Variants in LRRK1 observed in about 807,000 individuals in gnomAD.
LRRK1 encodes leucine-rich repeat serine/threonine-protein kinase 1.
A neutral mutation model predicts 209.1 loss-of-function variants in LRRK1; 113 were observed. That is an observed-to-expected ratio of 0.54 (90% CI 0.46 to 0.63). LRRK1 has a LOEUF of 0.63. Ranked by LOEUF, LRRK1 falls within the 30% of genes least tolerant of loss-of-function variation. The probability of loss-of-function intolerance (pLI) is 0.00; values close to 1 mark genes in which losing one functional copy is unlikely to be tolerated. For missense variants in LRRK1, 2,284 were observed against 2,632.2 expected, an observed-to-expected ratio of 0.87 and a Z score of 2.89; for synonymous variants, 1,144 against 1,099.7, an observed-to-expected ratio of 1.04 and a Z score of -0.80.
intron 6 of LRRK1, among the ~76,000 whole-genome samples, chr15:101,002,935 T>A (rs1181281124): frequency 6.6e-6 from 1 of 152,196 alleles, no homozygotes; most frequent in African/African-American, 2.4e-5. Flanking sequence ...TTTCACCATG[T>A]TGTCCAGGCT....
intron 6 of LRRK1, among the ~76,000 whole-genome samples, chr15:100,996,754 C>A (rs916642860): frequency 6.6e-6 from 1 of 152,202 alleles, no homozygotes; most frequent in East Asian, 1.9e-4. Context: ...GTGTTCATGT[C>A]GTCCTGCTGG....
At chr15:100,994,302 C>G (rs2032300096) in intron 6 of LRRK1, among the ~76,000 whole-genome samples, 1 of 152,220 alleles carries the variant, frequency 6.6e-6, no homozygotes, top group East Asian at 1.9e-4. Flanking sequence ...ACGAATGATT[C>G]TCTGCACATC....
chr15:100,972,359 A>AGT (rs2030962937), intron 2 of LRRK1, among the ~76,000 whole-genome samples: 5 of 86,970 alleles, frequency 5.7e-5, no homozygotes, highest in Admixed American at 1.1e-4. Context: ...AGAGAGAGAG[A>AGT]GAGAGTGTGT....
chr15:101,064,494 G>A (rs2036406503), intron 31 of LRRK1: 2 of 152,876 alleles, frequency 1.3e-5, no homozygotes, highest in Non-Finnish European at 1.5e-5. Flanking sequence ...GCGGTCTGGG[G>A]TGGGCCCAGC....
rs1207247731 is a variant in LRRK1 at position 100,988,730 on chromosome 15, G to A, written c.530G>A (p.Gly177Glu). Residue 177 changes from glycine to glutamate, a missense_variant, in exon 5 of 34, where the codon GGG becomes GAG. Gly to Glu is a moderately conservative substitution (Grantham distance 98). Transcript: ENST00000388948. ...GTGAAGCTCCTGGTCCTGACGCACGGGGCTGACCCGGAGAGCTACGCTGTC... is the reference window on the plus strand; with the variant it reads ...GTGAAGCTCCTGGTCCTGACGCACGAGGCTGACCCGGAGAGCTACGCTGTC... Reference protein sequence around the residue: ...GVVKLLVLTHGADPESYAVRK... With the variant: ...GVVKLLVLTHEADPESYAVRK... The A allele has an allele frequency of 6.2e-7, 1 of 1,614,164 alleles. No individual in the cohort carries two copies. The highest frequency in any genetic ancestry group is 1.7e-5 in the Admixed American group (1 of 60,022).
chr15:101,063,840 C>T (rs929709972), intron 31 of LRRK1, among the ~76,000 whole-genome samples: 5 of 151,864 alleles, frequency 3.3e-5, no homozygotes, highest in South Asian at 2.1e-4. Context: ...ATGAAATGAA[C>T]CTTAGAGTCA....
At chr15:101,025,887 C>A in intron 16 of LRRK1, 78 bp from the exon 17 acceptor site, 2 of 1,523,578 alleles carry the variant, frequency 1.3e-6, no homozygotes, top group Non-Finnish European at 9.0e-7. Context: ...GTCAGCGCAC[C>A]TGCACAGCTG....
At chr15:101,054,841 A>G (rs1181135264) in intron 26 of LRRK1, 105 bp from the exon 27 acceptor site, 1 of 1,008,066 alleles carries the variant, frequency 9.9e-7, no homozygotes, top group Non-Finnish European at 1.4e-6. Context: ...AAAATCATAA[A>G]GTATCTAGGG....
Position 100,973,792 on chromosome 15 carries a change from C to T in LRRK1, c.98-12C>T, listed in dbSNP as rs779028707. On this transcript the variant is annotated splice_polypyrimidine_tract_variant and intron_variant, in intron 2 of 33. Transcript: ENST00000388948. ...GCGGTGACGCCGTGTGTGTGTGCTT[C>T]CTCCCGCGCAGGTGCCGGGGACACG... The T allele has an allele frequency of 4.7e-6, 6 of 1,278,524 alleles. No homozygotes were observed. The East Asian group carries it at 9.4e-5, about 20-fold the overall frequency. The allele number at this position is 1,278,524 out of a possible 1,614,324, so 79.2% of individuals were successfully genotyped here.
rs368091026 is a variant in LRRK1, at chr15:100,989,280, G to A, written c.644G>A (p.Arg215Gln). The change falls in exon 6 of 34, where the codon CGG becomes CAG. Residue 215 changes from arginine to glutamine, a missense_variant. Coordinates refer to ENST00000388948, the MANE Select transcript of LRRK1 (RefSeq NM_024652.6). ...GNEDIAIFLL[R>Q]HGAYFCSYIL... ...GAAGACATTGCAATATTCCTGCTTC[G>A]GCATGGGGCCTATTTCTGTTCCTAC... 1.1e-5 allele frequency: 17 copies of A among 1,613,948 alleles called. No homozygotes were observed. The highest frequency in any genetic ancestry group is 3.3e-5 in the Admixed American group (2 of 59,980).
At position 101,074,173 on chromosome 15, in the gene LRRK1, T is replaced by C. The variant is rs2036899655; in HGVS notation, c.*5325T>C. 1 of 152,152 alleles carries C rather than the reference T, an allele frequency of 6.6e-6. No individual in the cohort carries two copies. Among genetic ancestry groups the C allele is most frequent in the African/African-American group, 2.4e-5 (1 of 41,402 alleles). 9.4% of individuals were successfully genotyped at this position (152,152 alleles called of 1,614,324 possible). A position where few individuals can be genotyped will look rare whatever the true frequency, so the allele number is the denominator to read the frequency against. On this transcript the variant is annotated 3_prime_UTR_variant, in exon 34 of 34. Transcript: ENST00000388948. ...CCCAAGCATCGCTGAGTCTTTCTAA[T>C]CTTTTCTATAGACCCATCTGACCTC...
intron 5 of LRRK1, 47 bp downstream of exon 5, chr15:100,988,860 C>G (rs77671020): frequency 6.8e-7 from 1 of 1,469,456 alleles, no homozygotes; most frequent in Non-Finnish European, 9.3e-7. Context: ...TGCAAACCAT[C>G]TCAGCCTCCA....
chr15:100,930,361 T>C (rs2141597182), intron 2 of LRRK1, among the ~76,000 whole-genome samples: 1 of 152,334 alleles, frequency 6.6e-6, no homozygotes, highest in East Asian at 1.9e-4. Context: ...GGGCTAATTA[T>C]TAGGCCATAC....
At chr15:100,993,913 G>A (rs770383027) in intron 6 of LRRK1, among the ~76,000 whole-genome samples, 5 of 151,720 alleles carry the variant, frequency 3.3e-5, no homozygotes, top group Non-Finnish European at 7.4e-5. Flanking sequence ...CTGTTCCTTG[G>A]TTGGTTTTCT....
intron 2 of LRRK1, among the ~76,000 whole-genome samples, chr15:100,969,394 A>G (rs1445109691): frequency 6.6e-6 from 1 of 152,184 alleles, no homozygotes; most frequent in African/African-American, 2.4e-5. Flanking sequence ...CTTACTCTCA[A>G]GTCATGAAGA....
intron 33 of LRRK1, among the ~76,000 whole-genome samples, chr15:101,068,049 A>G (rs2141167862): frequency 6.6e-6 from 1 of 152,254 alleles, no homozygotes; most frequent in East Asian, 1.9e-4. Context: ...ACACAGAGGG[A>G]GGAAAGGCAA....
chr15:101,011,977 T>C (rs1468884276), intron 9 of LRRK1, 31 bp from the exon 10 acceptor site: 5 of 1,536,878 alleles, frequency 3.3e-6, no homozygotes, highest in Non-Finnish European at 4.4e-6. Flanking sequence ...AGCTAACTAA[T>C]ATACATTTTT....
intron 6 of LRRK1, among the ~76,000 whole-genome samples, chr15:101,001,001 C>A (rs1471438928): frequency 5.9e-5 from 9 of 152,180 alleles, no homozygotes; most frequent in Admixed American, 5.9e-4. Context: ...CTCCCGTTTT[C>A]AATGCCTCCT....
rs184890196 is a variant in LRRK1 at position 100,999,734 on chromosome 15, A to C, written c.763-9103A>C. ...TCTCTATTTTCCTTGTTTGTTTCAT[A>C]CAATGTTTGTTTTTTCTCTGATCGT... On this transcript the variant is annotated intron_variant, in intron 6 of 33. Transcript: ENST00000388948. Among the ~76,000 whole-genome samples the C allele has an allele frequency of 1.6e-3, 243 of 152,334 alleles. 1 individual carries two copies. The highest frequency in any genetic ancestry group is 5.5e-3 in the African/African-American group (229 of 41,570).
Sources: gnomAD v4.1 joint callset for allele counts (sites outside exome capture counted in the v4.1 genomes callset) on GRCh38, gnomAD v4.1.1 for gene constraint, MANE v1.5 for transcripts, NCBI Gene and HGNC (gene_info 2026-07-23, HGNC 2026-07-21) for gene names.